IL1RAPL1: variants seen among roughly 807,000 people sequenced by gnomAD.
The protein encoded by IL1RAPL1 is interleukin 1 receptor accessory protein like 1.
IL1RAPL1 carries 3 observed loss-of-function variants against 48.4 expected under a neutral mutation model. That is an observed-to-expected ratio of 0.06 (90% CI 0.03 to 0.16). The LOEUF is 0.16. IL1RAPL1 is among the 10% of genes least tolerant of loss of function. The pLI, the probability that IL1RAPL1 is intolerant of heterozygous loss-of-function variation, is 1.00. For missense variants in IL1RAPL1, 349 were observed against 530.6 expected (o/e 0.66, Z 3.36); for synonymous variants, 185 against 187.7 (o/e 0.99, Z 0.12).
chrX:29,548,682 A>G (rs1002942295), intron 5 of IL1RAPL1, among the ~76,000 whole-genome samples: 3 of 112,083 alleles, frequency 2.7e-5, no homozygotes, highest in Non-Finnish European at 5.6e-5. Context: ...TCTCCACTAA[A>G]GTTCTCAATA....
At chrX:29,816,477 A>T (rs1451765092) in intron 6 of IL1RAPL1, among the ~76,000 whole-genome samples, 1 of 110,544 alleles carries the variant, frequency 9.0e-6, no homozygotes, top group Non-Finnish European at 1.9e-5. Flanking sequence ...ATTTGCAGCC[A>T]AATTCTACCA....
intron 5 of IL1RAPL1, among the ~76,000 whole-genome samples, chrX:29,625,095 G>A (rs758752627): frequency 9.0e-6 from 1 of 111,506 alleles, no homozygotes; most frequent in Non-Finnish European, 1.9e-5. Context: ...AAATATGTGC[G>A]TGGCTTTGTT....
At chrX:29,499,446 A>G (rs1935249219) in intron 5 of IL1RAPL1, among the ~76,000 whole-genome samples, 2 of 111,401 alleles carry the variant, frequency 1.8e-5, no homozygotes, top group Admixed American at 1.9e-4. Flanking sequence ...TGTCAAATAT[A>G]ATGTTTATGT....
intron 5 of IL1RAPL1, among the ~76,000 whole-genome samples, chrX:29,623,516 A>G (rs776820484): frequency 8.9e-6 from 1 of 111,931 alleles, no homozygotes; most frequent in South Asian, 3.7e-4. Flanking sequence ...CATTGGATCA[A>G]TTTCTTTGGT....
intron 2 of IL1RAPL1, among the ~76,000 whole-genome samples, chrX:29,266,432 A>G (rs1931957747): frequency 8.9e-6 from 1 of 111,733 alleles, no homozygotes; most frequent in African/African-American, 3.3e-5. Context: ...GGTTGAGGTA[A>G]TGCAGGCAGG....
chrX:29,291,428 T>C (rs1270382933), intron 3 of IL1RAPL1, among the ~76,000 whole-genome samples: 1 of 111,385 alleles, frequency 9.0e-6, no homozygotes, highest in Non-Finnish European at 1.9e-5. Flanking sequence ...TATTATACTT[T>C]AAGTTCTGGG....
At chrX:29,212,201 A>G (rs1302722517) in intron 2 of IL1RAPL1, among the ~76,000 whole-genome samples, 4 of 111,423 alleles carry the variant, frequency 3.6e-5, no homozygotes, top group Non-Finnish European at 7.5e-5. Flanking sequence ...TCCCTAATAA[A>G]TCAGCTTTAA....
At chrX:29,811,584 A>T (rs1569176830) in intron 6 of IL1RAPL1, among the ~76,000 whole-genome samples, 1 of 110,805 alleles carries the variant, frequency 9.0e-6, no homozygotes, top group Non-Finnish European at 1.9e-5. Context: ...CACACTCAGG[A>T]TCAATATCGC....
chrX:29,245,420 C>T (rs1931493258), intron 2 of IL1RAPL1, among the ~76,000 whole-genome samples: 1 of 111,748 alleles, frequency 8.9e-6, no homozygotes, highest in African/African-American at 3.3e-5. Context: ...TATTTCTCCA[C>T]ATCCTCTCCA....
At chrX:29,857,301 A>G (rs1931494739) in intron 6 of IL1RAPL1, among the ~76,000 whole-genome samples, 1 of 111,376 alleles carries the variant, frequency 9.0e-6, no homozygotes, top group Admixed American at 9.6e-5. Flanking sequence ...AATTTAAACT[A>G]TCTTTTAGAT....
intron 6 of IL1RAPL1, among the ~76,000 whole-genome samples, chrX:29,728,251 T>C (rs1485400290): frequency 1.8e-5 from 2 of 111,772 alleles, no homozygotes; most frequent in Non-Finnish European, 3.8e-5. Context: ...CACTATTCTT[T>C]CTTTTCTTTA....
intron 1 of IL1RAPL1, among the ~76,000 whole-genome samples, chrX:28,679,098 T>C (rs1186488975): frequency 8.9e-6 from 1 of 111,843 alleles, no homozygotes; most frequent in Non-Finnish European, 1.9e-5. Flanking sequence ...CTCCAACACT[T>C]GATATGTTTT....
At chrX:28,752,837 A>AGT in intron 1 of IL1RAPL1, among the ~76,000 whole-genome samples, 1 of 109,887 alleles carries the variant, frequency 9.1e-6, no homozygotes, top group South Asian at 3.9e-4. Context: ...TTTCAGGCAT[A>AGT]CTCTCTATTT....
At chrX:29,367,558 TTATTTATTTA>T (rs1569296171) in intron 3 of IL1RAPL1, among the ~76,000 whole-genome samples, 27 of 101,276 alleles carry the variant, frequency 2.7e-4, no homozygotes, top group Middle Eastern at 5.0e-3. Context: ...TTATTTTTAT[TTATTTATTTA>T]TTTATTTATT....
chrX:29,641,175 T>TAAAC (rs60275629), intron 5 of IL1RAPL1, among the ~76,000 whole-genome samples: 11,359 of 105,522 alleles, frequency 0.11, 643 homozygotes, highest in Non-Finnish European at 0.15. Context: ...TGTCTCAAAA[T>TAAAC]AAACAAACAA....
At chrX:28,824,642 C>T (rs748029445) in intron 2 of IL1RAPL1, among the ~76,000 whole-genome samples, 26 of 111,011 alleles carry the variant, frequency 2.3e-4, no homozygotes, top group African/African-American at 8.5e-4. Context: ...AGTCCTGCTC[C>T]GATGTTTTGT....
intron 3 of IL1RAPL1, among the ~76,000 whole-genome samples, chrX:29,386,578 CT>C (rs2147678579): frequency 1.0e-5 from 1 of 98,737 alleles, no homozygotes; most frequent in East Asian, 3.2e-4. Context: ...GGGTCTCATT[CT>C]TTCACCAGGC....
intron 6 of IL1RAPL1, among the ~76,000 whole-genome samples, chrX:29,671,551 A>G (rs771457924): frequency 1.8e-5 from 2 of 112,698 alleles, no homozygotes; most frequent in Non-Finnish European, 3.8e-5. Context: ...GTCCATTTAC[A>G]TAACTTTCAG....
chrX:29,497,871 GTGTT>G (rs1935230522), intron 5 of IL1RAPL1, among the ~76,000 whole-genome samples: 1 of 111,808 alleles, frequency 8.9e-6, no homozygotes, highest in African/African-American at 3.3e-5. Context: ...TCAGAATAAA[GTGTT>G]TGAGTAATCA....
Sources: allele counts gnomAD v4.1 joint callset (sites outside exome capture counted in the v4.1 genomes callset), GRCh38; gene constraint gnomAD v4.1.1; transcripts MANE v1.5; gene names NCBI Gene and HGNC (gene_info 2026-07-23, HGNC 2026-07-21).